Variants in TLK1 observed in about 807,000 individuals in gnomAD.
The protein encoded by TLK1 is serine/threonine-protein kinase tousled-like 1.
A neutral mutation model predicts 105.3 loss-of-function variants in TLK1; 24 were observed. The observed-to-expected ratio is 0.23, with a 90% confidence interval of 0.17 to 0.32. The LOEUF (loss-of-function observed/expected upper bound fraction) is 0.32. TLK1 is among the 10% of genes least tolerant of loss of function. The probability of loss-of-function intolerance (pLI) is 1.00; values close to 1 mark genes in which losing one functional copy is unlikely to be tolerated. For synonymous variants in TLK1, 321 were observed against 310.4 expected (o/e 1.03, Z -0.36); for missense variants, 558 against 910.5 (o/e 0.61, Z 4.98).
At chr2:171,094,743 C>T (rs1345341594) in intron 2 of TLK1, among the ~76,000 whole-genome samples, 2 of 151,916 alleles carry the variant, frequency 1.3e-5, no homozygotes, top group African/African-American at 2.4e-5. Context: ...CGAGTAGCTG[C>T]GATTACAGGC....
chr2:171,160,216 G>A lies in TLK1; in HGVS notation c.139+74C>T, dbSNP rs1222195058. The A allele has an allele frequency of 8.8e-6, 11 of 1,246,602 alleles. No homozygotes were observed. Among genetic ancestry groups the A allele is most frequent in the Non-Finnish European group, 1.1e-5 (11 of 984,068 alleles). The allele number at this position is 1,246,602 out of a possible 1,614,324, so 77.2% of individuals were successfully genotyped here. ...GCGGAGAAGCCCCGGGGCGGGGGGGGCGGGGGGGGGGCGCGGGGGTCCGCG... is the reference window on the plus strand; with the variant it reads ...GCGGAGAAGCCCCGGGGCGGGGGGGACGGGGGGGGGGCGCGGGGGTCCGCG... On this transcript the variant is annotated intron_variant, in intron 1 of 20. Transcript: ENST00000431350. This position sits in a 1 kb window ranked among gnomAD's most constrained non-coding sequence, Gnocchi z 4.4.
intron 13 of TLK1, among the ~76,000 whole-genome samples, chr2:171,012,108 C>T (rs910185588): frequency 1.3e-4 from 19 of 151,964 alleles, no homozygotes; most frequent in Non-Finnish European, 2.6e-4. Context: ...CTGAGCATCC[C>T]TAATCTGAAA....
chr2:171,214,553 C>T (rs1225048449), intron 1 of TLK1, among the ~76,000 whole-genome samples: 3 of 152,122 alleles, frequency 2.0e-5, no homozygotes, highest in Admixed American at 6.5e-5. Context: ...GCATCAGAGT[C>T]GCCTTGAGGG....
intron 2 of TLK1, among the ~76,000 whole-genome samples, chr2:171,092,575 A>T (rs1396641001): frequency 6.6e-6 from 1 of 152,246 alleles, no homozygotes; most frequent in Non-Finnish European, 1.5e-5. Flanking sequence ...AGATTTAATT[A>T]GAACACTTCA....
chr2:171,098,708 G>A (rs1355385945), intron 2 of TLK1, among the ~76,000 whole-genome samples: 2 of 152,128 alleles, frequency 1.3e-5, no homozygotes, highest in Admixed American at 6.5e-5. Flanking sequence ...AAATATGGAT[G>A]CAAAAATCCT....
At chr2:171,154,158 A>AT (rs1692146820) in intron 1 of TLK1, among the ~76,000 whole-genome samples, 1 of 151,892 alleles carries the variant, frequency 6.6e-6, no homozygotes, top group Non-Finnish European at 1.5e-5. Flanking sequence ...CAAAGCTGGG[A>AT]TTACAGGCCT....
chr2:171,105,248 T>G (rs893814405), intron 2 of TLK1, among the ~76,000 whole-genome samples: 2 of 152,228 alleles, frequency 1.3e-5, no homozygotes, highest in Non-Finnish European at 2.9e-5. Context: ...ACTATTCATC[T>G]GAGAAGGGAT....
rs546164442 is a variant in TLK1 at position 170,997,230 on chromosome 2, G to A, written c.2017-470C>T. Among the ~76,000 whole-genome samples, 80 of 152,150 alleles carry A rather than the reference G, an allele frequency of 5.3e-4. 1 individual carries two copies. Among genetic ancestry groups the A allele is most frequent in the Non-Finnish European group, 5.1e-4 (35 of 68,026 alleles). On this transcript the variant is annotated intron_variant, in intron 19 of 20. Coordinates refer to ENST00000431350, the MANE Select transcript of TLK1 (RefSeq NM_012290.5). ...TCTCTTCCCCTATTGATGAAGGGAT[G>A]GGGTGGGATGTGGGCTAGTTAATAT...
In TLK1 at chr2:171,160,178, AC is replaced by A; in HGVS notation, c.139+111del. ...CGCGTCCACCTCGCCACCATCCCCC[AC>A]CCCAGGGTCTGGCGGAGAAGCCCCG... On this transcript the variant is annotated intron_variant, in intron 1 of 20. Coordinates refer to ENST00000431350, the MANE Select transcript of TLK1 (RefSeq NM_012290.5). The surrounding 1 kb of genome is among the most constrained non-coding windows in gnomAD (Gnocchi z 4.4). 2 of 1,122,878 alleles carry A rather than the reference AC, an allele frequency of 1.8e-6. No homozygotes were observed. The highest frequency in any genetic ancestry group is 2.2e-5 in the African/African-American group (1 of 45,300). 69.6% of individuals were successfully genotyped at this position (1,122,878 alleles called of 1,614,324 possible). A position where few individuals can be genotyped will look rare whatever the true frequency, so the allele number is the denominator to read the frequency against.
At chr2:171,223,740 A>G (rs1393913828) in intron 1 of TLK1, among the ~76,000 whole-genome samples, 1 of 151,694 alleles carries the variant, frequency 6.6e-6, no homozygotes, top group Non-Finnish European at 1.5e-5. Flanking sequence ...TTAGCCTCCC[A>G]AAGTGCTGGG....
chr2:171,019,046 T>C (rs1316179221), intron 12 of TLK1, among the ~76,000 whole-genome samples: 1 of 152,058 alleles, frequency 6.6e-6, no homozygotes, highest in African/African-American at 2.4e-5. Flanking sequence ...CAGACAGGTA[T>C]ACAACAGATC....
chr2:171,032,395 A>G (rs1246746323), intron 11 of TLK1, among the ~76,000 whole-genome samples: 2 of 152,216 alleles, frequency 1.3e-5, no homozygotes, highest in East Asian at 3.8e-4. Context: ...AAATTTGGCA[A>G]AGCTGCAGGG....
intron 12 of TLK1, among the ~76,000 whole-genome samples, chr2:171,018,513 A>G (rs1685314630): frequency 6.6e-6 from 1 of 152,242 alleles, no homozygotes; most frequent in Admixed American, 6.5e-5. Flanking sequence ...CCAGTAGGCT[A>G]CATTCTCCTT....
intron 2 of TLK1, among the ~76,000 whole-genome samples, chr2:171,086,638 CAAAAAAAAA>C (rs35913328): frequency 4.6e-5 from 5 of 108,940 alleles, no homozygotes; most frequent in African/African-American, 2.1e-4. Flanking sequence ...AAAAAACAAA[CAAAAAAAAA>C]AAACAGAAAA....
At chr2:171,063,470 A>C (rs1687851294) in intron 3 of TLK1, among the ~76,000 whole-genome samples, 1 of 152,212 alleles carries the variant, frequency 6.6e-6, no homozygotes, top group Admixed American at 6.5e-5. Context: ...AGAATCCTTT[A>C]ATGTTATACT....
intron 1 of TLK1, among the ~76,000 whole-genome samples, chr2:171,176,951 C>T (rs1016608981): frequency 1.3e-5 from 2 of 151,530 alleles, no homozygotes; most frequent in African/African-American, 4.9e-5. Flanking sequence ...TCCTGCCTCA[C>T]CCTCCTGAGT....
intron 1 of TLK1, among the ~76,000 whole-genome samples, chr2:171,154,804 T>C (rs1575635357): frequency 6.6e-6 from 1 of 152,212 alleles, no homozygotes. Flanking sequence ...CTATAGGAAA[T>C]GAGCTTTAAA....
At position 171,006,902 on chromosome 2, in the gene TLK1, A is replaced by C. The variant is rs780504305; in HGVS notation, c.1509-13T>G. On this transcript the variant is annotated splice_polypyrimidine_tract_variant and intron_variant, in intron 15 of 20. Transcript: ENST00000431350. The stretch of plus-strand genomic sequence containing the variant: ...TCTGCAGGCATGTCTATGAGAAGAC[A>C]GTGTATTAATTCTCCATGATCATTC... The C allele has an allele frequency of 5.0e-6, 8 of 1,610,900 alleles. No homozygotes were observed. Among genetic ancestry groups the C allele is most frequent in the Non-Finnish European group, 4.2e-6 (5 of 1,177,954 alleles).
At chr2:171,222,071 T>C (rs1166781456) in intron 1 of TLK1, among the ~76,000 whole-genome samples, 1 of 152,206 alleles carries the variant, frequency 6.6e-6, no homozygotes, top group Admixed American at 6.5e-5. Flanking sequence ...AAAATACATA[T>C]GTCCCTTTTG....
Sources: allele counts gnomAD v4.1 joint callset (sites outside exome capture counted in the v4.1 genomes callset), GRCh38; gene constraint gnomAD v4.1.1; non-coding constraint Gnocchi (gnomAD v3.1); transcripts MANE v1.5; gene names NCBI Gene and HGNC (gene_info 2026-07-23, HGNC 2026-07-21).